SLC9A1: variants seen among roughly 807,000 people sequenced by gnomAD.
SLC9A1 encodes the protein solute carrier family 9 member A1, also known as sodium/hydrogen exchanger 1.
SLC9A1 carries 22 observed loss-of-function variants against 67.9 expected under a neutral mutation model. The observed-to-expected ratio is 0.32, with a 90% CI of 0.23 to 0.46. The LOEUF (loss-of-function observed/expected upper bound fraction) is 0.46. Ranked by LOEUF, SLC9A1 falls within the 20% of genes least tolerant of loss-of-function variation. The pLI is 1.00. For missense variants in SLC9A1, 686 were observed against 1,094.8 expected (o/e 0.63, Z 5.27); for synonymous variants, 421 against 471.8 (o/e 0.89, Z 1.40).
At chr1:27,122,072 G>A (rs966463363) in intron 1 of SLC9A1, among the ~76,000 whole-genome samples, 4 of 152,054 alleles carry the variant, frequency 2.6e-5, no homozygotes, top group South Asian at 2.1e-4. Context: ...CCAAGATCGC[G>A]CCACTGCACT....
intron 1 of SLC9A1, among the ~76,000 whole-genome samples, chr1:27,136,263 C>T (rs545872269): frequency 6.6e-6 from 1 of 152,352 alleles, no homozygotes; most frequent in South Asian, 2.1e-4. Context: ...AAGGGGACAG[C>T]AGCCAGGTCC....
chr1:27,108,346 GA>G (rs368589095), intron 3 of SLC9A1, among the ~76,000 whole-genome samples: 145,513 of 145,784 alleles, frequency 1, 72,621 homozygotes, highest in Non-Finnish European at 1. Flanking sequence ...GATTACAGGC[GA>G]CGAGCGCATG....
chr1:27,134,604 C>T (rs558620918), intron 1 of SLC9A1, among the ~76,000 whole-genome samples: 4 of 152,266 alleles, frequency 2.6e-5, no homozygotes, highest in South Asian at 2.1e-4. Flanking sequence ...CCAGGGTGAA[C>T]GGCCGCAAGT....
rs577025753 is a variant in SLC9A1, at chr1:27,101,507, C to G, written c.2037+218G>C. Among the ~76,000 whole-genome samples the G allele has an allele frequency of 6.6e-6, 1 of 152,186 alleles. No individual in the cohort carries two copies. Among genetic ancestry groups the G allele is most frequent in the Non-Finnish European group, 1.5e-5 (1 of 68,038 alleles). On this transcript the variant is annotated intron_variant, in intron 10 of 11. Coordinates refer to ENST00000263980, the MANE Select transcript of SLC9A1 (RefSeq NM_003047.5). This position sits in a 1 kb window ranked among gnomAD's most constrained non-coding sequence, Gnocchi z 4.9. ...TACACTGCTCAGCCTTAAATCCACC[C>G]ATTCCTCTGTCCCCTGCCACTGCCC... is the stretch of plus-strand genomic sequence containing the variant.
At position 27,102,708 on chromosome 1, in the gene SLC9A1, G is replaced by A. The variant is rs577685243; in HGVS notation, c.1611C>T (p.Ile537=). 1.2e-6 allele frequency: 2 copies of A among 1,613,834 alleles called. No individual in the cohort carries two copies. Among genetic ancestry groups the A allele is most frequent in the Non-Finnish European group, 1.7e-6 (2 of 1,179,962 alleles). ...LDHLLTGIED[I]CGHYGHHHWK... is the part of the protein sequence containing the mutation. ...AGTGGTGGTGACCGTAGTGGCCACA[G>A]ATGTCTTCGATGCCTGTCAGAAGGT... Residue 537 remains isoleucine, a synonymous_variant, in exon 7 of 12, where the codon ATC becomes ATT. Transcript: ENST00000263980.
At chr1:27,123,367 G>A (rs1173651980) in intron 1 of SLC9A1, among the ~76,000 whole-genome samples, 1 of 152,090 alleles carries the variant, frequency 6.6e-6, no homozygotes, top group Non-Finnish European at 1.5e-5. Flanking sequence ...AAAATTATGT[G>A]TGAATGGTAA....
At chr1:27,107,235 CCT>C (rs2083193648) in intron 4 of SLC9A1, among the ~76,000 whole-genome samples, 1 of 1,500 alleles carries the variant, frequency 6.7e-4, no homozygotes, top group Admixed American at 4.9e-3. Context: ...ACACCCAACC[CCT>C]ACACACACAC....
chr1:27,101,692 G>A lies in SLC9A1; in HGVS notation c.2037+33C>T, dbSNP rs941906942. On this transcript the variant is annotated intron_variant, in intron 10 of 11. Transcript: ENST00000263980. The surrounding 1 kb of genome is among the most constrained non-coding windows in gnomAD (Gnocchi z 4.9). ...TGGCGGAGCTTGGGCGAGTGGGGTG[G>A]GATACAGATTCCCAGAGGAAGGCAG... is the stretch of plus-strand genomic sequence containing the variant. 3.1e-5 allele frequency: 46 copies of A among 1,460,420 alleles called. No individual in the cohort carries two copies. Among genetic ancestry groups the A allele is most frequent in the Non-Finnish European group, 4.2e-5 (44 of 1,047,186 alleles). The allele number at this position is 1,460,420 out of a possible 1,614,324, so 90.5% of individuals were successfully genotyped here. A position where few individuals can be genotyped will look rare whatever the true frequency, so the allele number is the denominator to read the frequency against.
At chr1:27,119,390 C>A (rs911018388) in intron 1 of SLC9A1, among the ~76,000 whole-genome samples, 1 of 152,200 alleles carries the variant, frequency 6.6e-6, no homozygotes, top group African/African-American at 2.4e-5. Context: ...ACACTGAGGG[C>A]TCTGTCGCCC....
chr1:27,152,579 C>T (rs535474671), intron 1 of SLC9A1, among the ~76,000 whole-genome samples: 1 of 152,302 alleles, frequency 6.6e-6, no homozygotes, highest in East Asian at 1.9e-4. Flanking sequence ...CAAGGTCATG[C>T]ATTTATGTCA....
In SLC9A1 at chr1:27,103,304, G is replaced by A; in HGVS notation, c.1494C>T (p.Thr498=). 1.9e-6 allele frequency: 3 copies of A among 1,613,486 alleles called. No homozygotes were observed. Among genetic ancestry groups the A allele is most frequent in the East Asian group, 2.2e-5 (1 of 44,858 alleles). The change falls in exon 6 of 12, where the codon ACC becomes ACT. Residue 498 remains threonine, a synonymous_variant. Coordinates refer to ENST00000263980, the MANE Select transcript of SLC9A1 (RefSeq NM_003047.5). ...CCAACAGGTCTACCAGGGGCCGAATGGTCATGCCCTGGGGGGCAGGCAGGT... is the reference window on the plus strand; with the variant it reads ...CCAACAGGTCTACCAGGGGCCGAATAGTCATGCCCTGGGGGGCAGGCAGGT... The part of the protein sequence containing the change: ...IFFTVFVQGM[T]IRPLVDLLAV...
chr1:27,131,965 T>C lies in SLC9A1; in HGVS notation c.353-17679A>G, dbSNP rs956204051. ...AAAAAAAAATATATATATATATATA[T>C]ATATATATATATAAAATTATGGCTA... On this transcript the variant is annotated intron_variant, in intron 1 of 11. Coordinates refer to ENST00000263980, the MANE Select transcript of SLC9A1 (RefSeq NM_003047.5). Among the ~76,000 whole-genome samples, 4 of 132,366 alleles carry C rather than the reference T, an allele frequency of 3.0e-5. 1 individual carries two copies. Among genetic ancestry groups the C allele is most frequent in the African/African-American group, 1.2e-4 (4 of 33,272 alleles). 86.8% of individuals were successfully genotyped at this position (132,366 alleles called of 152,430 possible).
chr1:27,141,627 TCAAA>T (rs572673652), intron 1 of SLC9A1, among the ~76,000 whole-genome samples: 60 of 152,358 alleles, frequency 3.9e-4, no homozygotes, highest in Admixed American at 3.1e-3. Flanking sequence ...ACCGCATTTC[TCAAA>T]CAAGTCGTTG....
chr1:27,111,818 A>C (rs1482607421), intron 2 of SLC9A1, among the ~76,000 whole-genome samples: 2 of 152,098 alleles, frequency 1.3e-5, no homozygotes, highest in Non-Finnish European at 2.9e-5. Context: ...TCTCTAAATA[A>C]ATAAATAAAA....
At chr1:27,124,701 A>T (rs541270354) in intron 1 of SLC9A1, among the ~76,000 whole-genome samples, 3 of 152,210 alleles carry the variant, frequency 2.0e-5, no homozygotes, top group Admixed American at 2.0e-4. Context: ...TATCAGCTTT[A>T]TGGGGTCTAT....
rs1266914688 is a variant in SLC9A1 at position 27,114,354 on chromosome 1, T to C, written c.353-68A>G. 2 of 1,356,510 alleles carry C rather than the reference T, an allele frequency of 1.5e-6. No individual in the cohort carries two copies. Among genetic ancestry groups the C allele is most frequent in the Non-Finnish European group, 2.1e-6 (2 of 975,122 alleles). 84.0% of individuals were successfully genotyped at this position (1,356,510 alleles called of 1,614,324 possible). On this transcript the variant is annotated intron_variant, in intron 1 of 11. Coordinates refer to ENST00000263980, the MANE Select transcript of SLC9A1 (RefSeq NM_003047.5). This position sits in a 1 kb window ranked among gnomAD's most constrained non-coding sequence, Gnocchi z 5.4. ...AGCCAGGAGAATAGAAGGTTGGGGA[T>C]GGGCCGGGGATGAGGAGCGCAGTTG... is the stretch of plus-strand genomic sequence containing the variant.
chr1:27,100,331 T>C lies in SLC9A1; in HGVS notation c.2424A>G (p.Glu808=). 6.5e-7 allele frequency: 1 copy of C among 1,534,682 alleles called. No individual in the cohort carries two copies. Among genetic ancestry groups the C allele is most frequent in the Non-Finnish European group, 8.8e-7 (1 of 1,140,940 alleles). Residue 808 remains glutamate (E), a synonymous_variant, in exon 12 of 12, where the codon GAA becomes GAG. Coordinates refer to ENST00000263980, the MANE Select transcript of SLC9A1 (RefSeq NM_003047.5). This position sits in a 1 kb window ranked among gnomAD's most constrained non-coding sequence, Gnocchi z 5.6. The part of the protein sequence containing the change: ...PGPHPEPGEG[E]PFFPKGQ Reference sequence around the variant, plus strand: ...GTTACTGCCCCTTGGGGAAGAACGGTTCTCCCTCCCCAGGCTCAGGGTGTG... The same window carrying C: ...GTTACTGCCCCTTGGGGAAGAACGGCTCTCCCTCCCCAGGCTCAGGGTGTG...
At position 27,137,456 on chromosome 1, in the gene SLC9A1, C is replaced by A. The variant is rs2083427041; in HGVS notation, c.352+16527G>T. ...ATTTAGAAGCCCTTACTGCTAGGTG[C>A]TCGCCTCAGCATTCTCATTTAACCT... On this transcript the variant is annotated intron_variant, in intron 1 of 11. Coordinates refer to ENST00000263980, the MANE Select transcript of SLC9A1 (RefSeq NM_003047.5). This position sits in a 1 kb window ranked among gnomAD's most constrained non-coding sequence, Gnocchi z 4.6. Among the ~76,000 whole-genome samples, 1 of 152,184 alleles carries A rather than the reference C, an allele frequency of 6.6e-6. No individual in the cohort carries two copies. The highest frequency in any genetic ancestry group is 1.5e-5 in the Non-Finnish European group (1 of 68,026).
In SLC9A1 at chr1:27,107,839, C is replaced by T. The variant is rs775804175; in HGVS notation, c.1091G>A (p.Arg364His). ...MALIASGVVMRPYVEANISHK... is the reference protein window; with the variant it reads ...MALIASGVVMHPYVEANISHK... ...GGAGATGTTGGCCTCCACATAGGGGCGCATCACCACTCCTGAGGCTATGAG... is the reference window on the plus strand; with the variant it reads ...GGAGATGTTGGCCTCCACATAGGGGTGCATCACCACTCCTGAGGCTATGAG... The change falls in exon 4 of 12, where the codon CGC becomes CAC. Residue 364 changes from arginine (R) to histidine (H), a missense_variant. Arg to His is a conservative substitution (Grantham distance 29). This residue lies in a region of SLC9A1 where 168 missense variants were observed against 375.4 expected (regional missense o/e 0.45). Coordinates refer to ENST00000263980, the MANE Select transcript of SLC9A1 (RefSeq NM_003047.5). 1.9e-6 allele frequency: 3 copies of T among 1,605,822 alleles called. No individual in the cohort carries two copies. The highest frequency in any genetic ancestry group is 2.2e-5 in the East Asian group (1 of 44,732).
Sources: gnomAD v4.1 joint callset for allele counts (sites outside exome capture counted in the v4.1 genomes callset) on GRCh38, gnomAD v4.1.1 for gene constraint, gnomAD v4.1.1 regional missense constraint, Gnocchi (gnomAD v3.1) non-coding constraint, MANE v1.5 for transcripts, NCBI Gene and HGNC (gene_info 2026-07-23, HGNC 2026-07-21) for gene names.